ASCC3: variants seen among roughly 807,000 people sequenced by gnomAD.
ASCC3 encodes the protein activating signal cointegrator 1 complex subunit 3, also known as ASC-1 complex subunit P200.
A neutral mutation model predicts 256.3 loss-of-function variants in ASCC3; 158 were observed. The observed-to-expected ratio is 0.62, with a 90% CI of 0.54 to 0.70. The LOEUF is 0.70. Among genes scored for constraint, ASCC3 ranks in the 30% least tolerant of loss-of-function variants. ASCC3 has a pLI of 0.00. For missense variants in ASCC3, 2,259 were observed against 2,626.0 expected, an observed-to-expected ratio of 0.86 and a Z score of 3.05; for synonymous variants, 948 against 883.4, an observed-to-expected ratio of 1.07 and a Z score of -1.30.
chr6:100,871,876 C>T (rs1197187618), intron 1 of ASCC3, among the ~76,000 whole-genome samples: 1 of 152,120 alleles, frequency 6.6e-6, no homozygotes, highest in Non-Finnish European at 1.5e-5. Context: ...AAGAATTGTA[C>T]ACAGTACACA....
intron 34 of ASCC3, among the ~76,000 whole-genome samples, chr6:100,597,628 T>C (rs942373874): frequency 5.9e-5 from 9 of 151,854 alleles, no homozygotes; most frequent in South Asian, 4.2e-4. Context: ...TCTCAACATA[T>C]GTATTGGTGG....
Position 100,805,743 on chromosome 6 carries a change from A to C in ASCC3, c.922+17T>G. 1 of 1,608,336 alleles carries C rather than the reference A, an allele frequency of 6.2e-7. No individual in the cohort carries two copies. The highest frequency in any genetic ancestry group is 8.5e-7 in the Non-Finnish European group (1 of 1,177,232). On this transcript the variant is annotated intron_variant, in intron 5 of 41. Coordinates refer to ENST00000369162, the MANE Select transcript of ASCC3 (RefSeq NM_006828.4). ...ATATTTCCTTTAAATTACAATGACC[A>C]CTGCATACTTTCTTACCTTGAAGAG...
At chr6:100,591,008 T>C (rs1771974976) in intron 34 of ASCC3, among the ~76,000 whole-genome samples, 1 of 152,084 alleles carries the variant, frequency 6.6e-6, no homozygotes, top group African/African-American at 2.4e-5. Flanking sequence ...ACTATTGCAA[T>C]TTATTTGGGA....
intron 25 of ASCC3, among the ~76,000 whole-genome samples, chr6:100,634,673 A>T (rs1364411951): frequency 6.6e-6 from 1 of 152,124 alleles, no homozygotes; most frequent in Non-Finnish European, 1.5e-5. Context: ...AAGGAAATGC[A>T]AATTAAAATC....
At chr6:100,753,618 T>A (rs2115099286) in intron 10 of ASCC3, among the ~76,000 whole-genome samples, 1 of 152,144 alleles carries the variant, frequency 6.6e-6, no homozygotes, top group East Asian at 1.9e-4. Context: ...GCTTAAGTGA[T>A]CCTCCTGCCT....
chr6:100,761,219 G>C (rs1781404535), intron 10 of ASCC3, among the ~76,000 whole-genome samples: 2 of 152,174 alleles, frequency 1.3e-5, no homozygotes, highest in Non-Finnish European at 2.9e-5. Context: ...GGCCTGGCAT[G>C]GTAGCTGATA....
chr6:100,802,074 T>C (rs184399610), intron 5 of ASCC3, among the ~76,000 whole-genome samples: 103 of 151,566 alleles, frequency 6.8e-4, no homozygotes, highest in Non-Finnish European at 5.9e-5. Context: ...AAAATATGTC[T>C]ACCTCATAGA....
intron 36 of ASCC3, among the ~76,000 whole-genome samples, chr6:100,579,055 T>C (rs1283426968): frequency 1.3e-5 from 2 of 152,108 alleles, no homozygotes; most frequent in Admixed American, 1.3e-4. Flanking sequence ...ACTGTGGTTT[T>C]GGTTTGCATT....
At chr6:100,707,397 T>A (rs1011956779) in intron 13 of ASCC3, among the ~76,000 whole-genome samples, 1 of 151,780 alleles carries the variant, frequency 6.6e-6, no homozygotes, top group Admixed American at 6.6e-5. Flanking sequence ...AGAAAAAAAA[T>A]TAAGGGAATA....
At chr6:100,778,672 TTAA>T (rs768432852) in intron 8 of ASCC3, among the ~76,000 whole-genome samples, 10 of 152,038 alleles carry the variant, frequency 6.6e-5, no homozygotes, top group Non-Finnish European at 1.5e-4. Context: ...TTAACATAAC[TTAA>T]TAAACAAATT....
chr6:100,825,990 T>C (rs1211684714), intron 4 of ASCC3, among the ~76,000 whole-genome samples: 2 of 152,006 alleles, frequency 1.3e-5, no homozygotes, highest in Non-Finnish European at 2.9e-5. Context: ...CTTGGATTAG[T>C]ATTAAGCTTC....
chr6:100,749,236 A>C (rs1780828731), intron 10 of ASCC3, among the ~76,000 whole-genome samples: 1 of 152,048 alleles, frequency 6.6e-6, no homozygotes, highest in Non-Finnish European at 1.5e-5. Context: ...TACACAGTTA[A>C]CTTGGTATAT....
At chr6:100,806,763 T>G (rs2114368270) in intron 4 of ASCC3, among the ~76,000 whole-genome samples, 1 of 152,040 alleles carries the variant, frequency 6.6e-6, no homozygotes, top group African/African-American at 2.4e-5. Context: ...TTTACTGAAG[T>G]TATGCACACA....
intron 1 of ASCC3, among the ~76,000 whole-genome samples, chr6:100,870,161 T>A (rs1229658835): frequency 1.3e-5 from 2 of 152,196 alleles, no homozygotes; most frequent in African/African-American, 4.8e-5. Flanking sequence ...TCTGATTTAA[T>A]GAACAAATAT....
rs1554239583 is a variant in ASCC3 at position 100,828,107 on chromosome 6, A to AAAAAC, written c.801+20040_801+20041insGTTTT. On this transcript the variant is annotated intron_variant, in intron 4 of 41. Coordinates refer to ENST00000369162, the MANE Select transcript of ASCC3 (RefSeq NM_006828.4). ...CAGTATTTTCTAAAAAAAAAAAAAA[A>AAAAAC]ACGAAAAAAAGCTTAACACTGAAAA... is the stretch of plus-strand genomic sequence containing the variant. Among the ~76,000 whole-genome samples, 28 of 150,998 alleles carry AAAAAC rather than the reference A, an allele frequency of 1.9e-4. No individual in the cohort carries two copies. In the East Asian group the frequency reaches 2.0e-3, roughly 11 times the overall value.
intron 4 of ASCC3, among the ~76,000 whole-genome samples, chr6:100,811,380 C>T (rs1446656263): frequency 2.0e-5 from 3 of 152,092 alleles, no homozygotes; most frequent in African/African-American, 4.8e-5. Flanking sequence ...GTTAATAATA[C>T]AACAATCCCT....
chr6:100,685,576 C>A (rs987960269), intron 13 of ASCC3, among the ~76,000 whole-genome samples: 1 of 152,168 alleles, frequency 6.6e-6, no homozygotes, highest in Non-Finnish European at 1.5e-5. Context: ...TGTATTAAGG[C>A]ATCCATCATA....
intron 4 of ASCC3, among the ~76,000 whole-genome samples, chr6:100,837,587 G>A (rs1771937581): frequency 1.3e-5 from 2 of 152,082 alleles, no homozygotes; most frequent in Admixed American, 1.3e-4. Flanking sequence ...CAACAACATG[G>A]ATGAACCTGG....
At chr6:100,730,529 C>T (rs1357654929) in intron 10 of ASCC3, among the ~76,000 whole-genome samples, 1 of 152,122 alleles carries the variant, frequency 6.6e-6, no homozygotes, top group Non-Finnish European at 1.5e-5. Context: ...GACCAGGCAA[C>T]AGCTTGCAAG....
Sources: allele counts gnomAD v4.1 joint callset (sites outside exome capture counted in the v4.1 genomes callset), GRCh38; gene constraint gnomAD v4.1.1; transcripts MANE v1.5; gene names NCBI Gene and HGNC (gene_info 2026-07-23, HGNC 2026-07-21).